CHD5: variants seen among roughly 807,000 people sequenced by gnomAD.
CHD5 encodes the protein ATP-dependent chromatin remodeler CHD5.
In CHD5, 69 loss-of-function variants were observed where a neutral mutation model predicts 230.3. The ratio of observed to expected loss-of-function variants is 0.30; its 90% confidence interval spans 0.25 to 0.37. CHD5 has a LOEUF of 0.37. CHD5 is among the 10% of genes least tolerant of loss of function. The probability of loss-of-function intolerance (pLI) is 1.00; values close to 1 mark genes in which losing one functional copy is unlikely to be tolerated. For synonymous variants in CHD5, 1,064 were observed against 1,065.9 expected, an observed-to-expected ratio of 1.00 and a Z score of 0.03; for missense variants, 1,827 against 2,622.8, an observed-to-expected ratio of 0.70 and a Z score of 6.63.
chr1:6,117,849 T>G (rs971988309), intron 33 of CHD5, among the ~76,000 whole-genome samples: 5 of 152,184 alleles, frequency 3.3e-5, no homozygotes, highest in African/African-American at 1.2e-4. Flanking sequence ...GAATGTGAAC[T>G]GATGCAATAC....
At chr1:6,124,753 C>A (rs56851717) in intron 29 of CHD5, 92 bp from the exon 30 acceptor site, 2 of 832,476 alleles carry the variant, frequency 2.4e-6, no homozygotes, top group Non-Finnish European at 3.8e-6. Context: ...GAACTCCTGG[C>A]TGATCTTCAA....
At chr1:6,124,798 C>T (rs574075623) in intron 29 of CHD5, 137 bp from the exon 30 acceptor site, 21 of 695,614 alleles carry the variant, frequency 3.0e-5, no homozygotes, top group Non-Finnish European at 4.5e-5. Context: ...CTGGGCCAGG[C>T]CCGGGAAAGG....
chr1:6,124,154 G>A, intron 30 of CHD5, 47 bp from the exon 31 acceptor site: 1 of 1,564,088 alleles, frequency 6.4e-7, no homozygotes, highest in Non-Finnish European at 8.7e-7. Flanking sequence ...GAGGGCAGTG[G>A]TGGCAACTCA....
At position 6,121,080 on chromosome 1, in the gene CHD5, T is replaced by G; in HGVS notation, c.4912+25A>C. 6.4e-7 allele frequency: 1 copy of G among 1,564,786 alleles called. No homozygotes were observed. ...GCTGAGGCCAGACATGGCACTGGGG[T>G]GGGTGGCCTGCAAGAAGCCCCAACC... On this transcript the variant is annotated intron_variant, in intron 33 of 41. Coordinates refer to ENST00000262450, the MANE Select transcript of CHD5 (RefSeq NM_015557.3). The surrounding 1 kb of genome is among the most constrained non-coding windows in gnomAD (Gnocchi z 4.5).
intron 3 of CHD5, among the ~76,000 whole-genome samples, chr1:6,156,960 T>C (rs1204700533): frequency 6.6e-6 from 1 of 152,222 alleles, no homozygotes; most frequent in Non-Finnish European, 1.5e-5. Context: ...GTGGATAAGT[T>C]ACTTAACTTT....
At position 6,131,535 on chromosome 1, in the gene CHD5, A is replaced by G. The variant is rs953207920; in HGVS notation, c.3262+96T>C. The G allele has an allele frequency of 2.1e-5, 15 of 729,568 alleles. No homozygotes were observed. The highest frequency in any genetic ancestry group is 1.7e-4 in the African/African-American group (10 of 57,548). 45.2% of individuals were successfully genotyped at this position (729,568 alleles called of 1,614,324 possible). On this transcript the variant is annotated intron_variant, in intron 21 of 41. Transcript: ENST00000262450. The surrounding 1 kb of genome is among the most constrained non-coding windows in gnomAD (Gnocchi z 5.0). Reference sequence around the variant, plus strand: ...CTTTAGCTGTTTGTGAGGCTGCTCAACACAACACCAGCTGGGTGACCTGGC... The same window carrying G: ...CTTTAGCTGTTTGTGAGGCTGCTCAGCACAACACCAGCTGGGTGACCTGGC...
chr1:6,161,607 G>A (rs557559651), intron 2 of CHD5, among the ~76,000 whole-genome samples: 19 of 152,356 alleles, frequency 1.2e-4, no homozygotes, highest in African/African-American at 4.3e-4. Context: ...CTCAAGGCTG[G>A]AGGAGATGCT....
rs1267331748 is a variant in CHD5 at position 6,128,169 on chromosome 1, C to T, written c.3780G>A (p.Ala1260=). Residue 1260 remains alanine (A), a synonymous_variant, in exon 25 of 42, where the codon GCG becomes GCA. Coordinates refer to ENST00000262450, the MANE Select transcript of CHD5 (RefSeq NM_015557.3). The surrounding 1 kb of genome is among the most constrained non-coding windows in gnomAD (Gnocchi z 7.8). ...TCCGGTCCAGCAGCTTGGAGATGGCCGCATCGTCATAGTGGATCACACTGC... is the reference window on the plus strand; with the variant it reads ...TCCGGTCCAGCAGCTTGGAGATGGCTGCATCGTCATAGTGGATCACACTGC... ...EDSSVIHYDD[A]AISKLLDRNQ... The T allele has an allele frequency of 6.2e-7, 1 of 1,614,142 alleles. No individual in the cohort carries two copies. The highest frequency in any genetic ancestry group is 8.5e-7 in the Non-Finnish European group (1 of 1,180,012).
rs551066653 is a variant in CHD5, at chr1:6,129,464, T to G, written c.3388-395A>C. ...CCACTAATGGGACCACAAGACCATGTGCTGGAGACACGCAGCCACCTTCTG... is the reference window on the plus strand; with the variant it reads ...CCACTAATGGGACCACAAGACCATGGGCTGGAGACACGCAGCCACCTTCTG... On this transcript the variant is annotated intron_variant, in intron 22 of 41. Coordinates refer to ENST00000262450, the MANE Select transcript of CHD5 (RefSeq NM_015557.3). This position sits in a 1 kb window ranked among gnomAD's most constrained non-coding sequence, Gnocchi z 6.8. 6.6e-6 allele frequency among the ~76,000 whole-genome samples: 1 copy of G among 152,250 alleles called. No individual in the cohort carries two copies. Among genetic ancestry groups the G allele is most frequent in the African/African-American group, 2.4e-5 (1 of 41,556 alleles).
At position 6,134,546 on chromosome 1, in the gene CHD5, T is replaced by A. The variant is rs1269295986; in HGVS notation, c.3012+172A>T. Among the ~76,000 whole-genome samples, 3 of 151,808 alleles carry A rather than the reference T, an allele frequency of 2.0e-5. No individual in the cohort carries two copies. Among genetic ancestry groups the A allele is most frequent in the Non-Finnish European group, 4.4e-5 (3 of 67,948 alleles). On this transcript the variant is annotated intron_variant, in intron 19 of 41. Coordinates refer to ENST00000262450, the MANE Select transcript of CHD5 (RefSeq NM_015557.3). This position sits in a 1 kb window ranked among gnomAD's most constrained non-coding sequence, Gnocchi z 6.3. Reference sequence around the variant, plus strand: ...GTAAGTTCCCCAGCACCTACCAGAGTGGCCACAGGCAACCTTCCATGATGG... The same window carrying A: ...GTAAGTTCCCCAGCACCTACCAGAGAGGCCACAGGCAACCTTCCATGATGG...
In CHD5 at chr1:6,121,006, G is replaced by C. The variant is rs1232505791; in HGVS notation, c.4912+99C>G. 8 of 1,353,352 alleles carry C rather than the reference G, an allele frequency of 5.9e-6. No individual in the cohort carries two copies. The highest frequency in any genetic ancestry group is 6.1e-5 in the Admixed American group (2 of 32,846). 83.8% of individuals were successfully genotyped at this position (1,353,352 alleles called of 1,614,324 possible). A position where few individuals can be genotyped will look rare whatever the true frequency, so the allele number is the denominator to read the frequency against. On this transcript the variant is annotated intron_variant, in intron 33 of 41. Transcript: ENST00000262450. The surrounding 1 kb of genome is among the most constrained non-coding windows in gnomAD (Gnocchi z 4.5). ...GGTTGGAGTCTACCTCTCTGCCAGG[G>C]AGAAATGAGCGGAAGTACAGCCACC... is the stretch of plus-strand genomic sequence containing the variant.
At chr1:6,158,372 T>G (rs1667111574) in intron 3 of CHD5, among the ~76,000 whole-genome samples, 1 of 152,220 alleles carries the variant, frequency 6.6e-6, no homozygotes. Context: ...AAGTTCCCTT[T>G]CTACCATAAA....
chr1:6,104,112 T>C lies in CHD5; in HGVS notation c.*1362A>G, dbSNP rs1666119228. On this transcript the variant is annotated 3_prime_UTR_variant, in exon 42 of 42. Coordinates refer to ENST00000262450, the MANE Select transcript of CHD5 (RefSeq NM_015557.3). ...GGTCGACCTGGGGCCAGGAGAAGGA[T>C]CACACACAAACAGGCCTAGGGAGGG... 2.0e-5 allele frequency: 3 copies of C among 151,850 alleles called. No homozygotes were observed. In the South Asian group the frequency reaches 6.2e-4, roughly 32 times the overall value. 9.4% of individuals were successfully genotyped at this position (151,850 alleles called of 1,614,324 possible). A position where few individuals can be genotyped will look rare whatever the true frequency, so the allele number is the denominator to read the frequency against.
chr1:6,120,164 A>G (rs1666446255), intron 33 of CHD5, among the ~76,000 whole-genome samples: 1 of 152,058 alleles, frequency 6.6e-6, no homozygotes, highest in South Asian at 2.1e-4. Context: ...CCCAGCCCTA[A>G]TGCATATAGT....
intron 1 of CHD5, among the ~76,000 whole-genome samples, chr1:6,172,041 G>A (rs1490851909): frequency 6.6e-6 from 1 of 152,208 alleles, no homozygotes; most frequent in African/African-American, 2.4e-5. Context: ...GGAAGGAGAG[G>A]CACCTTCTGC....
At chr1:6,113,420 T>G in intron 33 of CHD5, 1 of 335,544 alleles carries the variant, frequency 3.0e-6, no homozygotes, top group Non-Finnish European at 6.0e-6. Context: ...CAAGACGCTG[T>G]TTCAAAAAAA....
In CHD5 at chr1:6,101,953, GC is replaced by G. The variant is rs1366492804; in HGVS notation, c.*3520del. ...GAGCCTGGCTTCCAAAGCTGGACCC[GC>G]CCCCGCCGGGGCCACCCTGGCTGGG... On this transcript the variant is annotated 3_prime_UTR_variant, in exon 42 of 42. Coordinates refer to ENST00000262450, the MANE Select transcript of CHD5 (RefSeq NM_015557.3). 1.5e-5 allele frequency: 6 copies of G among 410,778 alleles called. No homozygotes were observed. Among genetic ancestry groups the G allele is most frequent in the Admixed American group, 5.8e-5 (2 of 34,504 alleles). 25.4% of individuals were successfully genotyped at this position (410,778 alleles called of 1,614,324 possible).
intron 2 of CHD5, among the ~76,000 whole-genome samples, chr1:6,162,361 G>C (rs1486374043): frequency 1.3e-5 from 2 of 151,824 alleles, no homozygotes; most frequent in Non-Finnish European, 2.9e-5. Flanking sequence ...ACTCCAGCCT[G>C]GGTAATAAGA....
chr1:6,142,601 G>A lies in CHD5; in HGVS notation c.2048C>T (p.Thr683Met), dbSNP rs999797256. 8.1e-6 allele frequency: 13 copies of A among 1,610,186 alleles called. No individual in the cohort carries two copies. Among genetic ancestry groups the A allele is most frequent in the African/African-American group, 1.3e-5 (1 of 74,888 alleles). Residue 683 changes from threonine to methionine, a missense_variant, in exon 14 of 42, where the codon ACG (threonine) becomes ATG (methionine). By Grantham distance (81) the Thr-to-Met change is moderately conservative. Around this residue, in one of 14 missense-constraint regions of CHD5, gnomAD observed 657 missense variants for 816.4 expected, o/e 0.80. Transcript: ENST00000262450. This position sits in a 1 kb window ranked among gnomAD's most constrained non-coding sequence, Gnocchi z 5.2. ...CCATGGCTGCTTGTCGAACTTGACC[G>A]TGGGCTGCAGGGGAGGCAGCGGTTC... The part of the protein sequence containing the change: ...KPPDTPIVDP[T>M]VKFDKQPWYI...
Sources: allele counts gnomAD v4.1 joint callset (sites outside exome capture counted in the v4.1 genomes callset), GRCh38; gene constraint gnomAD v4.1.1; regional missense constraint gnomAD v4.1.1; non-coding constraint Gnocchi (gnomAD v3.1); transcripts MANE v1.5; gene names NCBI Gene and HGNC (gene_info 2026-07-23, HGNC 2026-07-21).